Variants in POT1 observed in about 807,000 individuals in gnomAD.
POT1 encodes protection of telomeres 1.
In POT1, 47 loss-of-function variants were observed where a neutral mutation model predicts 78.5. The observed-to-expected ratio is 0.60, with a 90% CI of 0.47 to 0.76. The LOEUF is 0.76. Ranked by LOEUF, POT1 falls within the 30% of genes least tolerant of loss-of-function variation. The pLI is 0.00. For missense variants in POT1, 646 were observed against 749.9 expected, an observed-to-expected ratio of 0.86 and a Z score of 1.62; for synonymous variants, 259 against 260.7, an observed-to-expected ratio of 0.99 and a Z score of 0.06.
intron 9 of POT1, among the ~76,000 whole-genome samples, chr7:124,857,863 A>G (rs1445758084): frequency 6.6e-6 from 1 of 152,154 alleles, no homozygotes; most frequent in Non-Finnish European, 1.5e-5. Context: ...GTTAACACTT[A>G]AGCTGTCCAT....
At chr7:124,883,874 C>A (rs1796181810) in intron 6 of POT1, among the ~76,000 whole-genome samples, 1 of 151,184 alleles carries the variant, frequency 6.6e-6, no homozygotes. Flanking sequence ...ATACTAGATT[C>A]TTTCATCTCT....
At chr7:124,896,469 G>A (rs1162032997) in intron 5 of POT1, among the ~76,000 whole-genome samples, 1 of 151,710 alleles carries the variant, frequency 6.6e-6, no homozygotes, top group African/African-American at 2.4e-5. Flanking sequence ...CTAATACTCA[G>A]AATTTAGTAA....
In POT1 at chr7:124,859,150, G is replaced by A. The variant is rs2116527068; in HGVS notation, c.547-38C>T. ...AGTAGAGTAGTTTTATGATCCTTTT[G>A]AAAAAATGCTTGTGCTAAAAAGTTT... On this transcript the variant is annotated intron_variant, in intron 8 of 18. Transcript: ENST00000357628. The A allele has an allele frequency of 4.9e-6, 7 of 1,419,778 alleles. No individual in the cohort carries two copies. The highest frequency in any genetic ancestry group is 4.6e-6 in the Non-Finnish European group (5 of 1,075,866). 87.9% of individuals were successfully genotyped at this position (1,419,778 alleles called of 1,614,324 possible).
chr7:124,845,675 CAACT>C (rs2116477828), intron 12 of POT1, among the ~76,000 whole-genome samples: 1 of 151,912 alleles, frequency 6.6e-6, no homozygotes, highest in East Asian at 1.9e-4. Flanking sequence ...CACAGATTCA[CAACT>C]AACTCAACAA....
At chr7:124,900,203 C>T (rs1418893176) in intron 3 of POT1, among the ~76,000 whole-genome samples, 1 of 152,142 alleles carries the variant, frequency 6.6e-6, no homozygotes, top group African/African-American at 2.4e-5. Context: ...CACATACTTC[C>T]CATTCAATAT....
At chr7:124,926,612 T>TA in intron 2 of POT1, among the ~76,000 whole-genome samples, 1 of 152,118 alleles carries the variant, frequency 6.6e-6, no homozygotes, top group African/African-American at 2.4e-5. Flanking sequence ...AATCATTAAA[T>TA]AAAAAAGAGA....
chr7:124,927,473 A>G (rs2116729313), intron 2 of POT1, among the ~76,000 whole-genome samples: 1 of 152,338 alleles, frequency 6.6e-6, no homozygotes, highest in South Asian at 2.1e-4. Flanking sequence ...GATTACATAT[A>G]CAAAGCATTT....
chr7:124,822,629 T>C lies in POT1; in HGVS notation c.*1333A>G, dbSNP rs971681879. 7.2e-6 allele frequency: 3 copies of C among 416,104 alleles called. No homozygotes were observed. The highest frequency in any genetic ancestry group is 1.7e-5 in the South Asian group (1 of 60,240). The allele number at this position is 416,104 out of a possible 1,614,324, so 25.8% of individuals were successfully genotyped here. On this transcript the variant is annotated 3_prime_UTR_variant, in exon 19 of 19. Transcript: ENST00000357628. Reference sequence around the variant, plus strand: ...ACACGGAAACACACCTGTTCAACTGTAGGGTTTTAAAATATTTTTCCTGAA... The same window carrying C: ...ACACGGAAACACACCTGTTCAACTGCAGGGTTTTAAAATATTTTTCCTGAA...
At chr7:124,886,392 A>G (rs1265402597) in intron 6 of POT1, among the ~76,000 whole-genome samples, 2 of 152,140 alleles carry the variant, frequency 1.3e-5, no homozygotes, top group Non-Finnish European at 2.9e-5. Flanking sequence ...CTGTACATCT[A>G]TTCTTGTACT....
intron 11 of POT1, among the ~76,000 whole-genome samples, chr7:124,850,795 T>A (rs541148935): frequency 6.6e-6 from 1 of 152,060 alleles, no homozygotes; most frequent in Non-Finnish European, 1.5e-5. Flanking sequence ...TGCAGGCACT[T>A]ACATGCCTAC....
chr7:124,837,773 ACTTCT>A lies in POT1; in HGVS notation c.1370-2364_1370-2360del, dbSNP rs910893237. On this transcript the variant is annotated intron_variant, in intron 14 of 18. Coordinates refer to ENST00000357628, the MANE Select transcript of POT1 (RefSeq NM_015450.3). ...TACAAGAATGAAGACCTATTGATCA[ACTTCT>A]CTTAAGAAAACACATAAAAAAATAC... 1.8e-4 allele frequency among the ~76,000 whole-genome samples: 28 copies of A among 152,244 alleles called. 1 individual carries two copies. The highest frequency in any genetic ancestry group is 4.8e-4 in the African/African-American group (20 of 41,574).
Position 124,829,361 on chromosome 7 carries a change from A to G in POT1, c.1506-19T>C, listed in dbSNP as rs1298332254. ...TTTACATCTGAAATTTATAAAAGAA[A>G]GAACCATAAATATTTAAAAATAATT... On this transcript the variant is annotated intron_variant, in intron 15 of 18. Coordinates refer to ENST00000357628, the MANE Select transcript of POT1 (RefSeq NM_015450.3). The G allele has an allele frequency of 7.0e-7, 1 of 1,426,948 alleles. No individual in the cohort carries two copies. The allele number at this position is 1,426,948 out of a possible 1,614,324, so 88.4% of individuals were successfully genotyped here.
At chr7:124,908,906 T>C (rs750175463) in intron 3 of POT1, among the ~76,000 whole-genome samples, 15 of 151,924 alleles carry the variant, frequency 9.9e-5, no homozygotes, top group Non-Finnish European at 7.4e-5. Flanking sequence ...ATTTTAGAAC[T>C]TAAAAGGACC....
At chr7:124,855,218 CAAAAAAAAAAAA>C (rs550056711) in intron 9 of POT1, among the ~76,000 whole-genome samples, 2 of 52,490 alleles carry the variant, frequency 3.8e-5, no homozygotes, top group Admixed American at 2.7e-4. Context: ...GAGAGGAGAG[CAAAAAAAAAAAA>C]AAAAAAAAAA....
chr7:124,873,749 C>A (rs970210563), intron 6 of POT1, among the ~76,000 whole-genome samples: 1 of 152,098 alleles, frequency 6.6e-6, no homozygotes, highest in Non-Finnish European at 1.5e-5. Context: ...GACTTTCTGT[C>A]CTTCCTAGTC....
chr7:124,911,880 T>C (rs1445324817), intron 3 of POT1, among the ~76,000 whole-genome samples: 1 of 152,110 alleles, frequency 6.6e-6, no homozygotes, highest in African/African-American at 2.4e-5. Context: ...ATTGAATTAT[T>C]TAAACCACCA....
chr7:124,863,035 T>C (rs1029763593), intron 8 of POT1, among the ~76,000 whole-genome samples: 1 of 152,116 alleles, frequency 6.6e-6, no homozygotes, highest in Non-Finnish European at 1.5e-5. Flanking sequence ...TATTCATGTA[T>C]AGGACTACAA....
At chr7:124,925,676 C>T (rs1162895009) in intron 2 of POT1, among the ~76,000 whole-genome samples, 2 of 152,052 alleles carry the variant, frequency 1.3e-5, no homozygotes, top group East Asian at 1.9e-4. Context: ...AAGAACAATG[C>T]TGGAGGTACA....
chr7:124,928,530 G>T (rs1797330658), intron 2 of POT1, among the ~76,000 whole-genome samples: 1 of 152,142 alleles, frequency 6.6e-6, no homozygotes, highest in African/African-American at 2.4e-5. Context: ...TTGGAGATCA[G>T]GTGATTGATC....
Sources: gnomAD v4.1 joint callset for allele counts (sites outside exome capture counted in the v4.1 genomes callset) on GRCh38, gnomAD v4.1.1 for gene constraint, MANE v1.5 for transcripts, NCBI Gene and HGNC (gene_info 2026-07-23, HGNC 2026-07-21) for gene names.